The following ANKRD30BL variants were observed in gnomAD, a reference collection of about 807,000 sequenced individuals.
ANKRD30BL encodes ankyrin repeat domain 30B like.
Under a neutral mutation model 18.4 loss-of-function variants are expected in ANKRD30BL, and 20 were observed. The observed-to-expected ratio is 1.09, with a 90% CI of 0.77 to 1.58. The LOEUF is 1.58. Ranked by LOEUF, ANKRD30BL falls within the 40% of genes most tolerant of loss-of-function variation. ANKRD30BL has a pLI of 0.00. For synonymous variants in ANKRD30BL, 72 were observed against 100.9 expected (o/e 0.71, Z 1.72); for missense variants, 224 against 268.6 (o/e 0.83, Z 1.16).
intron 1 of ANKRD30BL, among the ~76,000 whole-genome samples, chr2:132,167,545 G>T (rs1319910180): frequency 6.6e-6 from 1 of 152,042 alleles, no homozygotes; most frequent in Non-Finnish European, 1.5e-5. Flanking sequence ...CTAGCCTCAG[G>T]TGGTCCACCC....
At chr2:132,207,067 C>T (rs1287364074) in intron 1 of ANKRD30BL, among the ~76,000 whole-genome samples, 2 of 152,076 alleles carry the variant, frequency 1.3e-5, no homozygotes, top group Admixed American at 6.6e-5. Context: ...CATAATTATA[C>T]AGCATCTGCA....
At chr2:132,173,384 C>G (rs1339932541) in intron 1 of ANKRD30BL, among the ~76,000 whole-genome samples, 26 of 150,472 alleles carry the variant, frequency 1.7e-4, no homozygotes, top group Admixed American at 8.7e-4. Flanking sequence ...ACTGCAAGCT[C>G]TGCCTCCTGG....
At chr2:132,243,956 A>T (rs111801533) in intron 1 of ANKRD30BL, among the ~76,000 whole-genome samples, 108 of 152,368 alleles carry the variant, frequency 7.1e-4, no homozygotes, top group African/African-American at 2.4e-3. Context: ...TGTGATGTGC[A>T]TACTCAACTC....
chr2:132,254,296 A>G (rs112186606), intron 1 of ANKRD30BL, among the ~76,000 whole-genome samples: 4 of 140,612 alleles, frequency 2.8e-5, no homozygotes, highest in Admixed American at 2.1e-4. Context: ...GAACACGGTC[A>G]GCCAAGGAGG....
At chr2:132,174,508 A>C (rs2104943173) in intron 1 of ANKRD30BL, among the ~76,000 whole-genome samples, 1 of 152,306 alleles carries the variant, frequency 6.6e-6, no homozygotes, top group East Asian at 1.9e-4. Flanking sequence ...GCAATTAAAA[A>C]AAAATACAGA....
At chr2:132,239,021 C>T (rs1209930942) in intron 1 of ANKRD30BL, among the ~76,000 whole-genome samples, 2 of 152,090 alleles carry the variant, frequency 1.3e-5, no homozygotes, top group Non-Finnish European at 2.9e-5. Context: ...ATTCAACTCA[C>T]ACTGTTGAAC....
chr2:132,205,508 G>A (rs1241870146), intron 1 of ANKRD30BL, among the ~76,000 whole-genome samples: 1 of 151,872 alleles, frequency 6.6e-6, no homozygotes, highest in South Asian at 2.1e-4. Context: ...GGCTGAGGCA[G>A]GAGAGTCTCT....
At chr2:132,221,457 G>T (rs1679679674) in intron 1 of ANKRD30BL, among the ~76,000 whole-genome samples, 1 of 131,020 alleles carries the variant, frequency 7.6e-6, no homozygotes, top group Non-Finnish European at 1.6e-5. Context: ...ACCCCGTCCG[G>T]GAGGTGAGGG....
intron 1 of ANKRD30BL, among the ~76,000 whole-genome samples, chr2:132,183,811 C>T (rs1189952126): frequency 6.6e-6 from 1 of 151,980 alleles, no homozygotes; most frequent in African/African-American, 2.4e-5. Context: ...ATGCATTTTG[C>T]TGCTCTTCGT....
chr2:132,159,862 C>G (rs901484813), intron 1 of ANKRD30BL, among the ~76,000 whole-genome samples: 1 of 152,010 alleles, frequency 6.6e-6, no homozygotes, highest in Admixed American at 6.6e-5. Context: ...TCTTCTGGTG[C>G]TTTTATCATT....
At chr2:132,198,295 TCTTTCTTTCTTTCTTTCTTTC>T (rs1679010501) in intron 1 of ANKRD30BL, among the ~76,000 whole-genome samples, 14 of 12,798 alleles carry the variant, frequency 1.1e-3, no homozygotes, top group African/African-American at 2.5e-3. Context: ...TTTCTTTCTT[TCTTTCTTTCTTTCTTTCTTTC>T]TTTCTTTCTT....
chr2:132,214,546 T>C (rs13383822), intron 1 of ANKRD30BL, among the ~76,000 whole-genome samples: 3,981 of 152,072 alleles, frequency 0.026, 166 homozygotes, highest in African/African-American at 0.091. Flanking sequence ...TACTTTGTGA[T>C]ATGTGCATTC....
At chr2:132,167,310 A>C (rs1453111858) in intron 1 of ANKRD30BL, among the ~76,000 whole-genome samples, 1 of 115,868 alleles carries the variant, frequency 8.6e-6, no homozygotes, top group Non-Finnish European at 2.0e-5. Context: ...ATTTTATTTT[A>C]TTTTATTTTA....
intron 1 of ANKRD30BL, among the ~76,000 whole-genome samples, chr2:132,159,530 CAATTT>C (rs996318008): frequency 6.6e-6 from 1 of 152,034 alleles, no homozygotes; most frequent in African/African-American, 2.4e-5. Flanking sequence ...AATACTTTCC[CAATTT>C]TAAATTAGAA....
intron 1 of ANKRD30BL, among the ~76,000 whole-genome samples, chr2:132,198,296 C>G (rs1355033199): frequency 4.0e-3 from 45 of 11,370 alleles, no homozygotes; most frequent in African/African-American, 9.8e-3. Context: ...TTCTTTCTTT[C>G]TTTCTTTCTT....
chr2:132,223,593 T>C (rs1679758932), intron 1 of ANKRD30BL, among the ~76,000 whole-genome samples: 2 of 152,188 alleles, frequency 1.3e-5, no homozygotes, highest in Admixed American at 1.3e-4. Context: ...TTGGAGAGCT[T>C]TGAGGCCTTC....
At position 132,214,979 on chromosome 2, in the gene ANKRD30BL, G is replaced by C. The variant is rs576660939; in HGVS notation, n.441+42550C>G. On this transcript the variant is annotated intron_variant and non_coding_transcript_variant, in intron 1 of 4. Transcript: ENST00000470729. The stretch of plus-strand genomic sequence containing the variant: ...GAATCTGCAAGTGGACATTTGGAGA[G>C]CTGTGTGGCCTATGGTGGAAAAAGA... 3.3e-5 allele frequency among the ~76,000 whole-genome samples: 5 copies of C among 152,052 alleles called. No individual in the cohort carries two copies. In the East Asian group the frequency reaches 9.7e-4, roughly 29 times the overall value.
chr2:132,171,360 T>C (rs1688278350), intron 1 of ANKRD30BL, among the ~76,000 whole-genome samples: 1 of 152,200 alleles, frequency 6.6e-6, no homozygotes, highest in African/African-American at 2.4e-5. Flanking sequence ...CAAAGATTAC[T>C]TCATTTTCTT....
intron 1 of ANKRD30BL, among the ~76,000 whole-genome samples, chr2:132,255,714 G>A (rs74985306): frequency 6.6e-6 from 1 of 152,150 alleles, no homozygotes; most frequent in Non-Finnish European, 1.5e-5. Flanking sequence ...GGTAATTTGA[G>A]TGTCTGCTGC....
Sources: gnomAD v4.1 joint callset for allele counts (sites outside exome capture counted in the v4.1 genomes callset) on GRCh38, gnomAD v4.1.1 for gene constraint, MANE v1.5 for transcripts, NCBI Gene and HGNC (gene_info 2026-07-23, HGNC 2026-07-21) for gene names.